The following SLMAP variants were observed in gnomAD, a reference collection of about 807,000 sequenced individuals.
The protein encoded by SLMAP is sarcolemma associated protein.
SLMAP carries 44 observed loss-of-function variants against 128.8 expected under a neutral mutation model. The ratio of observed to expected loss-of-function variants is 0.34; its 90% confidence interval spans 0.27 to 0.44. SLMAP has a LOEUF of 0.44. SLMAP is among the 20% of genes least tolerant of loss of function. The probability of loss-of-function intolerance (pLI) is 1.00; values close to 1 mark genes in which losing one functional copy is unlikely to be tolerated. For missense variants in SLMAP, 787 were observed against 985.3 expected (o/e 0.80, Z 2.69); for synonymous variants, 327 against 348.8 (o/e 0.94, Z 0.70).
intron 2 of SLMAP, among the ~76,000 whole-genome samples, chr3:57,815,474 G>A (rs1040539008): frequency 8.6e-5 from 13 of 151,916 alleles, no homozygotes; most frequent in African/African-American, 3.1e-4. Context: ...ATATTACTGT[G>A]AATATTACCA....
At chr3:57,819,231 A>T (rs1294279055) in intron 2 of SLMAP, among the ~76,000 whole-genome samples, 1 of 152,232 alleles carries the variant, frequency 6.6e-6, no homozygotes, top group African/African-American at 2.4e-5. Flanking sequence ...ATATCTCTCA[A>T]AGAATTAACT....
intron 5 of SLMAP, among the ~76,000 whole-genome samples, chr3:57,848,828 G>A (rs1466439189): frequency 6.7e-6 from 1 of 150,356 alleles, no homozygotes; most frequent in African/African-American, 2.5e-5. Context: ...TTCTGCCCTG[G>A]CCTCCCAAGT....
chr3:57,764,682 C>G (rs1322785809), intron 2 of SLMAP, among the ~76,000 whole-genome samples: 1 of 152,096 alleles, frequency 6.6e-6, no homozygotes, highest in Non-Finnish European at 1.5e-5. Context: ...TCAAGTAACT[C>G]TTTGAGGTGC....
intron 6 of SLMAP, among the ~76,000 whole-genome samples, chr3:57,852,294 A>T (rs985359091): frequency 6.6e-6 from 1 of 152,192 alleles, no homozygotes; most frequent in African/African-American, 2.4e-5. Flanking sequence ...ATGAACAGAA[A>T]ATTATCAATG....
intron 13 of SLMAP, among the ~76,000 whole-genome samples, chr3:57,866,914 T>G (rs1425279423): frequency 6.6e-6 from 1 of 151,234 alleles, no homozygotes; most frequent in Admixed American, 6.6e-5. Flanking sequence ...GGCTCACACC[T>G]GTAATCCCAG....
intron 14 of SLMAP, among the ~76,000 whole-genome samples, chr3:57,885,086 T>G (rs1254919680): frequency 1.3e-5 from 2 of 151,944 alleles, no homozygotes; most frequent in Admixed American, 6.6e-5. Flanking sequence ...TTTTTTTTTT[T>G]TTTGAAACGG....
At position 57,893,085 on chromosome 3, in the gene SLMAP, G is replaced by A. The variant is rs1003133299; in HGVS notation, c.1360+2985G>A. Among the ~76,000 whole-genome samples, 18 of 151,626 alleles carry A rather than the reference G, an allele frequency of 1.2e-4. 1 individual carries two copies. Among genetic ancestry groups the A allele is most frequent in the East Asian group, 9.7e-4 (5 of 5,162 alleles). Reference sequence around the variant, plus strand: ...CCTGACCTCTTGATCCGCCCGCCTCGGCCTCCCAAAGTGCTGGGATTACCA... The same window carrying A: ...CCTGACCTCTTGATCCGCCCGCCTCAGCCTCCCAAAGTGCTGGGATTACCA... On this transcript the variant is annotated intron_variant, in intron 15 of 24. Transcript: ENST00000671191.
intron 2 of SLMAP, among the ~76,000 whole-genome samples, chr3:57,805,867 CATG>C (rs2089709343): frequency 6.6e-6 from 1 of 152,068 alleles, no homozygotes; most frequent in African/African-American, 2.4e-5. Context: ...CTTTGTTTTT[CATG>C]ATGTTTCAAG....
rs1458429985 is a variant in SLMAP, at chr3:57,928,026, C to T, written c.*737C>T. The T allele has an allele frequency of 6.6e-6, 1 of 152,242 alleles. No homozygotes were observed. Among genetic ancestry groups the T allele is most frequent in the Non-Finnish European group, 1.5e-5 (1 of 67,990 alleles). The allele number at this position is 152,242 out of a possible 1,614,324, so 9.4% of individuals were successfully genotyped here. On this transcript the variant is annotated 3_prime_UTR_variant, in exon 25 of 25. Coordinates refer to ENST00000671191, the MANE Select transcript of SLMAP (RefSeq NM_001377540.1). ...GGGAATATGTGCACGCTTGTTCAGC[C>T]TTAATGTGACTTGAAGATGTGGAGG...
intron 9 of SLMAP, among the ~76,000 whole-genome samples, chr3:57,861,620 T>C (rs549889444): frequency 2.0e-5 from 3 of 152,330 alleles, no homozygotes; most frequent in East Asian, 3.9e-4. Flanking sequence ...CTTTCAAGGA[T>C]TGATAGGCTT....
rs1253260568 is a variant in SLMAP, at chr3:57,929,846, A to G, written c.*2557A>G. Among the ~76,000 whole-genome samples, 1 of 152,230 alleles carries G rather than the reference A, an allele frequency of 6.6e-6. No individual in the cohort carries two copies. The highest frequency in any genetic ancestry group is 2.4e-5 in the African/African-American group (1 of 41,468). ...GGAGAATAATACTTATATTTGTGGT[A>G]GTAGTGTGAACATTAAAAAGATAAT... On this transcript the variant is annotated 3_prime_UTR_variant, in exon 25 of 25. Coordinates refer to ENST00000671191, the MANE Select transcript of SLMAP (RefSeq NM_001377540.1).
chr3:57,811,181 T>C (rs1031092685), intron 2 of SLMAP, among the ~76,000 whole-genome samples: 3 of 152,218 alleles, frequency 2.0e-5, no homozygotes, highest in African/African-American at 7.2e-5. Flanking sequence ...TCACCATTCA[T>C]CTCCATAACT....
chr3:57,868,825 AT>A (rs1442857958), intron 13 of SLMAP, among the ~76,000 whole-genome samples: 15 of 138,266 alleles, frequency 1.1e-4, no homozygotes, highest in African/African-American at 3.2e-4. Context: ...TATATATAAA[AT>A]ATATATATGT....
rs1300838213 is a variant in SLMAP at position 57,912,512 on chromosome 3, G to T, written c.1831G>T (p.Val611Phe). Residue 611 changes from valine to phenylalanine, a missense_variant, in exon 20 of 25, where the codon GTT becomes TTT. Physicochemically the swap from Val to Phe is conservative, Grantham distance 50. Transcript: ENST00000671191. ...GCTCCTTCATCAAGCAGCAGCAAAGGTTGCCTCTGAGCGGGACACTGACAT... is the reference window on the plus strand; with the variant it reads ...GCTCCTTCATCAAGCAGCAGCAAAGTTTGCCTCTGAGCGGGACACTGACAT... ...ILLLHQAAAK[V>F]ASERDTDIAS... The T allele has an allele frequency of 1.2e-6, 2 of 1,614,058 alleles. No homozygotes were observed. The highest frequency in any genetic ancestry group is 1.7e-6 in the Non-Finnish European group (2 of 1,180,032).
At chr3:57,888,282 A>G (rs1447158811) in intron 14 of SLMAP, among the ~76,000 whole-genome samples, 1 of 152,212 alleles carries the variant, frequency 6.6e-6, no homozygotes, top group Non-Finnish European at 1.5e-5. Flanking sequence ...AGGAAATATA[A>G]TTATAGCATA....
chr3:57,776,522 C>CTCTT (rs571722815), intron 2 of SLMAP, among the ~76,000 whole-genome samples: 35 of 92,606 alleles, frequency 3.8e-4, no homozygotes, highest in African/African-American at 1.4e-3. Flanking sequence ...CTCTCTCTCT[C>CTCTT]TTTTTTTTTT....
intron 2 of SLMAP, among the ~76,000 whole-genome samples, chr3:57,811,591 G>C (rs2090986242): frequency 6.6e-6 from 1 of 151,980 alleles, no homozygotes; most frequent in Non-Finnish European, 1.5e-5. Context: ...CCCTACTTTT[G>C]GCTATATACC....
At chr3:57,845,185 T>A (rs528989770) in intron 4 of SLMAP, among the ~76,000 whole-genome samples, 17 of 152,298 alleles carry the variant, frequency 1.1e-4, no homozygotes, top group South Asian at 8.3e-4. Flanking sequence ...TACATAATTT[T>A]AAAAAAATCT....
chr3:57,833,808 C>T (rs1229092622), intron 3 of SLMAP, among the ~76,000 whole-genome samples: 1 of 151,620 alleles, frequency 6.6e-6, no homozygotes, highest in Non-Finnish European at 1.5e-5. Context: ...AAAAAACTTG[C>T]AACATTTAAA....
Sources: allele counts gnomAD v4.1 joint callset (sites outside exome capture counted in the v4.1 genomes callset), GRCh38; gene constraint gnomAD v4.1.1; transcripts MANE v1.5; gene names NCBI Gene and HGNC (gene_info 2026-07-23, HGNC 2026-07-21).